Variants in PTER observed in about 807,000 individuals in gnomAD.
The protein encoded by PTER is N-acetyltaurine hydrolase.
A neutral mutation model predicts 29.6 loss-of-function variants in PTER; 38 were observed. That is an observed-to-expected ratio of 1.28 (90% CI 0.99 to 1.68). The LOEUF (loss-of-function observed/expected upper bound fraction) is 1.68, where lower values mean the gene tolerates loss of function less well. Among genes scored for constraint, PTER ranks in the 40% most tolerant of loss-of-function variants. PTER has a pLI of 0.00. For missense variants in PTER, 482 were observed against 427.8 expected, an observed-to-expected ratio of 1.13 and a Z score of -1.12; for synonymous variants, 172 against 154.5, an observed-to-expected ratio of 1.11 and a Z score of -0.84.
At chr10:16,479,453 T>A (rs1835397489) in intron 1 of PTER, among the ~76,000 whole-genome samples, 1 of 151,972 alleles carries the variant, frequency 6.6e-6, no homozygotes, top group African/African-American at 2.4e-5. Context: ...GGTCTGAACC[T>A]GTATGCACAA....
At position 16,505,084 on chromosome 10, in the gene PTER, C is replaced by T. The variant is rs1391431332; in HGVS notation, c.763C>T (p.Leu255Phe). 6.2e-7 allele frequency: 1 copy of T among 1,613,860 alleles called. No individual in the cohort carries two copies. The highest frequency in any genetic ancestry group is 8.5e-7 in the Non-Finnish European group (1 of 1,179,894). Reference sequence around the variant, plus strand: ...ACTTGGCTGCTACTTGGAATATGATCTCTTTGGTACTGAACTACTTCATTA... The same window carrying T: ...ACTTGGCTGCTACTTGGAATATGATTTCTTTGGTACTGAACTACTTCATTA... ...AQLGCYLEYDLFGTELLHYQL... is the reference protein window; with the variant it reads ...AQLGCYLEYDFFGTELLHYQL... Residue 255 changes from leucine (L) to phenylalanine (F), a missense_variant, in exon 4 of 5, where the codon CTC becomes TTC. Coordinates refer to ENST00000535784, the MANE Select transcript of PTER (RefSeq NM_001261836.2).
chr10:16,464,452 G>A (rs918731054), intron 1 of PTER, among the ~76,000 whole-genome samples: 2 of 152,166 alleles, frequency 1.3e-5, no homozygotes, highest in Admixed American at 6.5e-5. Flanking sequence ...GAGCAGGGGG[G>A]AAAACAGTAT....
intron 4 of PTER, 71 bp downstream of exon 4, chr10:16,505,231 A>G (rs1416794787): frequency 1.9e-6 from 3 of 1,543,536 alleles, no homozygotes; most frequent in South Asian, 2.4e-5. Flanking sequence ...CTAGGGAAGT[A>G]TTAGCAAAGA....
intron 1 of PTER, among the ~76,000 whole-genome samples, chr10:16,474,782 G>T (rs1248487926): frequency 2.0e-5 from 3 of 152,088 alleles, no homozygotes; most frequent in African/African-American, 7.2e-5. Context: ...AGCTACTCAG[G>T]AGGCTGAGGC....
chr10:16,491,730 T>A (rs1055306109), intron 3 of PTER, among the ~76,000 whole-genome samples: 1 of 152,194 alleles, frequency 6.6e-6, no homozygotes, highest in African/African-American at 2.4e-5. Flanking sequence ...CTGTGCTTCA[T>A]AGCCCCCTCC....
intron 1 of PTER, 152 bp from the exon 2 acceptor site, chr10:16,484,185 A>G: frequency 1.8e-6 from 1 of 559,318 alleles, no homozygotes. Context: ...TAGATTCTGA[A>G]GTCGGCAGGA....
At chr10:16,504,896 A>G in intron 3 of PTER, 124 bp from the exon 4 acceptor site, 1 of 1,034,712 alleles carries the variant, frequency 9.7e-7, no homozygotes, top group Non-Finnish European at 1.4e-6. Context: ...CCATTTCAGA[A>G]GTGTCTGTTA....
intron 1 of PTER, 131 bp from the exon 2 acceptor site, chr10:16,484,206 G>T (rs1339702968): frequency 5.0e-6 from 3 of 595,084 alleles, no homozygotes; most frequent in African/African-American, 3.7e-5. Context: ...TTGTGAGATC[G>T]TATCTCTAGT....
At chr10:16,475,528 G>T (rs1406728221) in intron 1 of PTER, among the ~76,000 whole-genome samples, 4 of 152,068 alleles carry the variant, frequency 2.6e-5, no homozygotes, top group Non-Finnish European at 5.9e-5. Flanking sequence ...CAATGATATG[G>T]GTCCCAAACT....
chr10:16,475,265 G>T (rs1369033117), intron 1 of PTER, among the ~76,000 whole-genome samples: 1 of 152,178 alleles, frequency 6.6e-6, no homozygotes, highest in African/African-American at 2.4e-5. Flanking sequence ...GGGTTGGTCA[G>T]ATTCTGCCAG....
At chr10:16,489,037 G>A (rs1204748331) in intron 3 of PTER, among the ~76,000 whole-genome samples, 2 of 152,198 alleles carry the variant, frequency 1.3e-5, no homozygotes, top group Non-Finnish European at 1.5e-5. Flanking sequence ...TTTATCATCT[G>A]TATCACAAAC....
chr10:16,440,280 C>T (rs900934260), intron 1 of PTER, among the ~76,000 whole-genome samples: 16 of 151,886 alleles, frequency 1.1e-4, no homozygotes, highest in African/African-American at 2.9e-4. Flanking sequence ...GTTGATCAGG[C>T]TGCTCTTGAA....
At chr10:16,493,437 A>T (rs11254026) in intron 3 of PTER, among the ~76,000 whole-genome samples, 68,748 of 146,250 alleles carry the variant, frequency 0.47, 15,750 homozygotes, top group East Asian at 0.63. Flanking sequence ...TTTTTTTTTT[A>T]AATTTTTAAG....
chr10:16,461,042 G>A (rs575375450), intron 1 of PTER, among the ~76,000 whole-genome samples: 29 of 151,976 alleles, frequency 1.9e-4, no homozygotes, highest in East Asian at 3.9e-4. Flanking sequence ...TTGATATATC[G>A]GCAATATTGT....
chr10:16,493,071 C>G (rs577668296), intron 3 of PTER, among the ~76,000 whole-genome samples: 1 of 152,132 alleles, frequency 6.6e-6, no homozygotes, highest in Non-Finnish European at 1.5e-5. Flanking sequence ...ATATACCAGA[C>G]GTTGGGCTGT....
intron 1 of PTER, among the ~76,000 whole-genome samples, chr10:16,453,167 C>T (rs927527085): frequency 2.6e-5 from 4 of 152,178 alleles, no homozygotes; most frequent in Admixed American, 6.6e-5. Flanking sequence ...TCTTCGGCCT[C>T]AGCCTTCCAA....
chr10:16,495,787 A>G (rs545214854), intron 3 of PTER, among the ~76,000 whole-genome samples: 1 of 152,192 alleles, frequency 6.6e-6, no homozygotes, highest in Non-Finnish European at 1.5e-5. Flanking sequence ...TGGAAAGGGC[A>G]CTAGATTAGG....
intron 1 of PTER, among the ~76,000 whole-genome samples, chr10:16,446,883 G>A (rs571425188): frequency 2.9e-4 from 44 of 152,012 alleles, no homozygotes; most frequent in Middle Eastern, 3.4e-3. Context: ...CTGCCTCCTG[G>A]GTTCAAGCAA....
At chr10:16,454,953 G>T (rs1265829893) in intron 1 of PTER, among the ~76,000 whole-genome samples, 1 of 152,164 alleles carries the variant, frequency 6.6e-6, no homozygotes, top group Admixed American at 6.5e-5. Context: ...AACTGGCCAG[G>T]TGCAGTGGCT....
Sources: allele counts gnomAD v4.1 joint callset (sites outside exome capture counted in the v4.1 genomes callset), GRCh38; gene constraint gnomAD v4.1.1; transcripts MANE v1.5; gene names NCBI Gene and HGNC (gene_info 2026-07-23, HGNC 2026-07-21).